The following GRID2 variants were observed in gnomAD, a reference collection of about 807,000 sequenced individuals.
GRID2 encodes the protein glutamate ionotropic receptor delta type subunit 2.
A neutral mutation model predicts 114.8 loss-of-function variants in GRID2; 33 were observed. That is an observed-to-expected ratio of 0.29 (90% confidence interval 0.22 to 0.38). The LOEUF (loss-of-function observed/expected upper bound fraction) is 0.38. Ranked by LOEUF, GRID2 falls within the 10% of genes least tolerant of loss-of-function variation. The pLI is 1.00. For missense variants in GRID2, 1,184 were observed against 1,257.7 expected, an observed-to-expected ratio of 0.94 and a Z score of 0.89; for synonymous variants, 505 against 449.9, an observed-to-expected ratio of 1.12 and a Z score of -1.55.
At chr4:93,741,168 T>TAC (rs1731341411) in intron 14 of GRID2, among the ~76,000 whole-genome samples, 1 of 28,514 alleles carries the variant, frequency 3.5e-5, no homozygotes, top group Non-Finnish European at 5.7e-5. Flanking sequence ...ACTATATATA[T>TAC]ATATACATAT....
intron 13 of GRID2, among the ~76,000 whole-genome samples, chr4:93,575,376 A>C (rs1736322112): frequency 6.6e-6 from 1 of 152,098 alleles, no homozygotes; most frequent in Non-Finnish European, 1.5e-5. Context: ...CAAGATGATA[A>C]ATTTTCTAGT....
chr4:92,698,186 C>G (rs770309142), intron 2 of GRID2, among the ~76,000 whole-genome samples: 14 of 152,074 alleles, frequency 9.2e-5, no homozygotes, highest in Non-Finnish European at 1.8e-4. Flanking sequence ...GCATATGTGA[C>G]AAGCAGAGTA....
At chr4:92,668,662 G>A (rs1043600315) in intron 2 of GRID2, among the ~76,000 whole-genome samples, 2 of 151,808 alleles carry the variant, frequency 1.3e-5, no homozygotes, top group African/African-American at 4.8e-5. Flanking sequence ...CTGATTAAAT[G>A]TAGTAGAGAC....
intron 8 of GRID2, among the ~76,000 whole-genome samples, chr4:93,275,068 G>T (rs183586177): frequency 2.6e-4 from 39 of 151,808 alleles, no homozygotes; most frequent in African/African-American, 7.5e-4. Context: ...AGTCACCCCC[G>T]ACTTCCCCCT....
intron 2 of GRID2, among the ~76,000 whole-genome samples, chr4:93,043,936 TAAAAA>T: frequency 6.6e-6 from 1 of 150,986 alleles, no homozygotes; most frequent in African/African-American, 2.4e-5. Flanking sequence ...TATATAAAAA[TAAAAA>T]AAGACAAATG....
intron 14 of GRID2, among the ~76,000 whole-genome samples, chr4:93,763,735 T>C (rs9993013): frequency 0.35 from 53,769 of 152,026 alleles, 10,459 homozygotes; most frequent in East Asian, 0.72. Flanking sequence ...GGAATCATTA[T>C]GCCGGATTAC....
chr4:93,018,514 G>T (rs1722983929), intron 2 of GRID2, among the ~76,000 whole-genome samples: 1 of 152,256 alleles, frequency 6.6e-6, no homozygotes, highest in Non-Finnish European at 1.5e-5. Flanking sequence ...CTAACGAAAA[G>T]TTAGCTGTGC....
Position 93,244,623 on chromosome 4 carries a change from CTATTATA to C in GRID2, c.1245+6139_1245+6145del, listed in dbSNP as rs761225681. Among the ~76,000 whole-genome samples the C allele has an allele frequency of 2.1e-3, 50 of 24,152 alleles. 9 individuals are homozygous for C. In the South Asian group the frequency reaches 0.022, roughly 11 times the overall value. The allele number at this position is 24,152 out of a possible 152,430, so 15.8% of individuals were successfully genotyped here. ...TATATTAATTAATAGATTATATAAT[CTATTATA>C]TATTAATTAATAGATTATATAATCT... On this transcript the variant is annotated intron_variant, in intron 8 of 15. Coordinates refer to ENST00000282020, the MANE Select transcript of GRID2 (RefSeq NM_001510.4).
At chr4:92,737,352 G>A (rs1346723176) in intron 2 of GRID2, among the ~76,000 whole-genome samples, 5 of 152,180 alleles carry the variant, frequency 3.3e-5, no homozygotes, top group African/African-American at 1.2e-4. Context: ...TTATGTGTAT[G>A]CGATTTTGTC....
intron 11 of GRID2, among the ~76,000 whole-genome samples, chr4:93,456,867 C>A (rs1723254646): frequency 6.6e-6 from 1 of 152,084 alleles, no homozygotes; most frequent in Non-Finnish European, 1.5e-5. Flanking sequence ...TAGTCTAGAA[C>A]CTTCATCTGA....
Position 93,130,899 on chromosome 4 carries a change from T to C in GRID2, c.735+19946T>C, listed in dbSNP as rs1366641633. Among the ~76,000 whole-genome samples the C allele has an allele frequency of 2.0e-5, 3 of 152,288 alleles. No homozygotes were observed. In the East Asian group the frequency reaches 5.8e-4, roughly 29 times the overall value. ...TGGTTTAAATGAGAACTAAACGATA[T>C]ATTCCAGAACGACTGAAACAGTTCT... On this transcript the variant is annotated intron_variant, in intron 4 of 15. Transcript: ENST00000282020.
intron 8 of GRID2, among the ~76,000 whole-genome samples, chr4:93,365,838 G>A (rs1762286690): frequency 6.6e-6 from 1 of 152,134 alleles, no homozygotes; most frequent in African/African-American, 2.4e-5. Context: ...GAAGAACATG[G>A]ATTGTGAAGA....
At chr4:93,269,634 A>C (rs1181083254) in intron 8 of GRID2, among the ~76,000 whole-genome samples, 6 of 152,208 alleles carry the variant, frequency 3.9e-5, no homozygotes. Context: ...CTGTTTGTAA[A>C]ATCCATTGAG....
intron 1 of GRID2, among the ~76,000 whole-genome samples, chr4:92,415,778 A>C (rs558610953): frequency 4.3e-5 from 5 of 115,524 alleles, no homozygotes; most frequent in Non-Finnish European, 7.1e-5. Flanking sequence ...ATATATATAT[A>C]TATCACATTT....
intron 2 of GRID2, among the ~76,000 whole-genome samples, chr4:92,685,333 C>T (rs1733848104): frequency 6.6e-6 from 1 of 151,700 alleles, no homozygotes. Context: ...GTAAGGGAGA[C>T]AGGTAAATAC....
At chr4:92,902,149 A>G (rs900816566) in intron 2 of GRID2, among the ~76,000 whole-genome samples, 1 of 152,050 alleles carries the variant, frequency 6.6e-6, no homozygotes, top group African/African-American at 2.4e-5. Context: ...TGGGATTTCT[A>G]TTTCTTCCTT....
chr4:93,161,776 C>T (rs1026137613), intron 4 of GRID2, among the ~76,000 whole-genome samples: 3 of 151,694 alleles, frequency 2.0e-5, no homozygotes, highest in African/African-American at 7.3e-5. Context: ...AATTCTCCCC[C>T]CTTCCTGCAA....
intron 4 of GRID2, among the ~76,000 whole-genome samples, chr4:93,146,844 C>A (rs1736312638): frequency 6.6e-6 from 1 of 152,074 alleles, no homozygotes; most frequent in South Asian, 2.1e-4. Context: ...GCTTTTAACT[C>A]ATTTATTTGC....
At chr4:92,712,011 T>C (rs1263096878) in intron 2 of GRID2, among the ~76,000 whole-genome samples, 6 of 152,112 alleles carry the variant, frequency 3.9e-5, no homozygotes, top group Non-Finnish European at 8.8e-5. Context: ...AAATACTCTT[T>C]TCTTATAAGG....
Sources: gnomAD v4.1 joint callset for allele counts (sites outside exome capture counted in the v4.1 genomes callset) on GRCh38, gnomAD v4.1.1 for gene constraint, MANE v1.5 for transcripts, NCBI Gene and HGNC (gene_info 2026-07-23, HGNC 2026-07-21) for gene names.